Variants in SGCB observed in about 807,000 individuals in gnomAD.
SGCB encodes the protein beta-sarcoglycan.
Under a neutral mutation model 27.3 loss-of-function variants are expected in SGCB, and 25 were observed. The ratio of observed to expected loss-of-function variants is 0.92; its 90% CI spans 0.67 to 1.28. The LOEUF is 1.28. Among genes scored for constraint, SGCB ranks in the 50% most tolerant of loss-of-function variants. SGCB has a pLI of 0.00. For synonymous variants in SGCB, 147 were observed against 133.5 expected, an observed-to-expected ratio of 1.10 and a Z score of -0.70; for missense variants, 436 against 402.1, an observed-to-expected ratio of 1.08 and a Z score of -0.72.
chr4:52,028,973 A>G (rs1328469955), intron 3 of SGCB, 52 bp from the exon 4 acceptor site: 2 of 1,315,162 alleles, frequency 1.5e-6, no homozygotes, highest in Non-Finnish European at 2.2e-6. Context: ...GACTGCAAAC[A>G]AAATTCCTGA....
chr4:52,024,662 A>C (rs1042925300), intron 5 of SGCB, among the ~76,000 whole-genome samples: 1 of 151,926 alleles, frequency 6.6e-6, no homozygotes, highest in African/African-American at 2.4e-5. Context: ...CCTCGTCTCT[A>C]CTAAAAATAC....
chr4:52,032,355 C>T (rs1737270917), intron 2 of SGCB, among the ~76,000 whole-genome samples: 1 of 152,126 alleles, frequency 6.6e-6, no homozygotes, highest in African/African-American at 2.4e-5. Flanking sequence ...AGTTATCTGC[C>T]ATTGTTCCTC....
rs1414363052 is a variant in SGCB at position 52,038,243 on chromosome 4, G to C, written c.17C>G (p.Ala6Gly). 1.6e-6 allele frequency: 2 copies of C among 1,289,688 alleles called. No homozygotes were observed. Among genetic ancestry groups the C allele is most frequent in the Non-Finnish European group, 2.0e-6 (2 of 1,015,028 alleles). 79.9% of individuals were successfully genotyped at this position (1,289,688 alleles called of 1,614,324 possible). A position where few individuals can be genotyped will look rare whatever the true frequency, so the allele number is the denominator to read the frequency against. ...CTCACAGACCTGTTCTGCAGCCGCC[G>C]CCGCCGCTGCCGCCATCTTCCCGCG... MAAAA[A>G]AAAEQQSSNG... Residue 6 changes from alanine (A) to glycine (G), a missense_variant, in exon 1 of 6, where the codon GCG (alanine) becomes GGG (glycine). Coordinates refer to ENST00000381431, the MANE Select transcript of SGCB (RefSeq NM_000232.5).
Position 52,024,089 on chromosome 4 carries a change from G to A in SGCB, c.825C>T (p.Asp275=). The change falls in exon 6 of 6, where the codon GAC becomes GAT. Residue 275 remains aspartate, a synonymous_variant. Transcript: ENST00000381431. Reference sequence around the variant, plus strand: ...GTACCCAGTCACCACTACCCAACTGGTCTCCACTGGAGGAACTGGGTAGGC... The same window carrying A: ...GTACCCAGTCACCACTACCCAACTGATCTCCACTGGAGGAACTGGGTAGGC... ...TTRLPSSSSG[D]QLGSGDWVRY... is the part of the protein sequence containing the mutation. The A allele has an allele frequency of 6.2e-7, 1 of 1,613,942 alleles. No homozygotes were observed. Among genetic ancestry groups the A allele is most frequent in the Non-Finnish European group, 8.5e-7 (1 of 1,179,890 alleles).
Position 52,024,117 on chromosome 4 carries a change from G to A in SGCB, c.797C>T (p.Thr266Ile), listed in dbSNP as rs1253643464. ...ILNGSVMVST[T>I]RLPSSSSGDQ... ...TCCACTGGAGGAACTGGGTAGGCGG[G>A]TGGTGCTGACCATCACAGATCCATT... Residue 266 changes from threonine to isoleucine, a missense_variant, in exon 6 of 6, where the codon ACC becomes ATC. Physicochemically the swap from Thr to Ile is moderately conservative, Grantham distance 89. Coordinates refer to ENST00000381431, the MANE Select transcript of SGCB (RefSeq NM_000232.5). The A allele has an allele frequency of 1.2e-6, 2 of 1,614,022 alleles. No individual in the cohort carries two copies. Among genetic ancestry groups the A allele is most frequent in the Non-Finnish European group, 1.7e-6 (2 of 1,180,026 alleles).
At chr4:52,028,176 A>G in intron 4 of SGCB, 77 bp from the exon 5 acceptor site, 3 of 1,177,620 alleles carry the variant, frequency 2.5e-6, no homozygotes, top group Non-Finnish European at 3.8e-6. Flanking sequence ...AGAGAAATAG[A>G]AGCTTCAGTC....
chr4:52,026,248 T>G (rs1356483380), intron 5 of SGCB, among the ~76,000 whole-genome samples: 1 of 147,780 alleles, frequency 6.8e-6, no homozygotes. Flanking sequence ...TTTTTGTTGT[T>G]GGTTTTTTTT....
chr4:52,031,330 GTCTA>G (rs1275287756), intron 2 of SGCB, among the ~76,000 whole-genome samples: 2 of 147,510 alleles, frequency 1.4e-5, no homozygotes, highest in Non-Finnish European at 2.9e-5. Context: ...AATGTCTTCT[GTCTA>G]TCTACCTACC....
rs1321508008 is a variant in SGCB at position 52,021,375 on chromosome 4, C to G, written c.*2582G>C. 1 of 152,258 alleles carries G rather than the reference C, an allele frequency of 6.6e-6. No homozygotes were observed. Among genetic ancestry groups the G allele is most frequent in the Non-Finnish European group, 1.5e-5 (1 of 68,162 alleles). 9.4% of individuals were successfully genotyped at this position (152,258 alleles called of 1,614,324 possible). ...AAGATTTACTGTGGATAAAAATAAGCCGGCCAGGCGTGGTGGCTCACACCT... is the reference window on the plus strand; with the variant it reads ...AAGATTTACTGTGGATAAAAATAAGGCGGCCAGGCGTGGTGGCTCACACCT... On this transcript the variant is annotated 3_prime_UTR_variant, in exon 6 of 6. Transcript: ENST00000381431.
Position 52,022,054 on chromosome 4 carries a change from T to C in SGCB, c.*1903A>G, listed in dbSNP as rs1736964443. 6.6e-6 allele frequency: 1 copy of C among 152,244 alleles called. No homozygotes were observed. The highest frequency in any genetic ancestry group is 1.5e-5 in the Non-Finnish European group (1 of 68,034). The allele number at this position is 152,244 out of a possible 1,614,324, so 9.4% of individuals were successfully genotyped here. A position where few individuals can be genotyped will look rare whatever the true frequency, so the allele number is the denominator to read the frequency against. ...AGTAATGAATATGCAATTTAATTTA[T>C]GGACCATCTGAATAAAAATTTCGGC... is the stretch of plus-strand genomic sequence containing the variant. On this transcript the variant is annotated 3_prime_UTR_variant, in exon 6 of 6. Coordinates refer to ENST00000381431, the MANE Select transcript of SGCB (RefSeq NM_000232.5).
intron 3 of SGCB, among the ~76,000 whole-genome samples, 196 bp from the exon 4 acceptor site, chr4:52,029,117 T>C (rs1380772204): frequency 6.6e-6 from 1 of 152,264 alleles, no homozygotes; most frequent in African/African-American, 2.4e-5. Context: ...TGAAGGTTTA[T>C]ACATTTATTT....
chr4:52,033,334 T>G lies in SGCB; in HGVS notation c.243+97A>C, dbSNP rs564905240. 6.7e-5 allele frequency: 52 copies of G among 771,934 alleles called. No homozygotes were observed. In the African/African-American group the frequency reaches 7.6e-4, roughly 11 times the overall value. 47.8% of individuals were successfully genotyped at this position (771,934 alleles called of 1,614,324 possible). A position where few individuals can be genotyped will look rare whatever the true frequency, so the allele number is the denominator to read the frequency against. ...TTAAAATTCAGTAAGAGACAAGACA[T>G]GTATAGAAAAGGAGAAAATAAAGTC... On this transcript the variant is annotated intron_variant, in intron 2 of 5. Coordinates refer to ENST00000381431, the MANE Select transcript of SGCB (RefSeq NM_000232.5).
At chr4:52,031,392 CTGTGTG>C (rs55972642) in intron 2 of SGCB, among the ~76,000 whole-genome samples, 3 of 140,250 alleles carry the variant, frequency 2.1e-5, no homozygotes, top group Admixed American at 6.9e-5. Context: ...CCATTCATCT[CTGTGTG>C]TGTGTGTATG....
At chr4:52,034,759 G>A (rs1425649239) in intron 1 of SGCB, among the ~76,000 whole-genome samples, 1 of 152,124 alleles carries the variant, frequency 6.6e-6, no homozygotes, top group African/African-American at 2.4e-5. Flanking sequence ...AATGCAGGGT[G>A]GGGAGTCCTG....
intron 5 of SGCB, 95 bp downstream of exon 5, chr4:52,027,873 A>G (rs1388564886): frequency 8.3e-7 from 1 of 1,206,056 alleles, no homozygotes; most frequent in Non-Finnish European, 1.2e-6. Flanking sequence ...AAAATAGACA[A>G]TTATATCATT....
intron 2 of SGCB, among the ~76,000 whole-genome samples, chr4:52,032,690 A>C (rs963750168): frequency 2.6e-5 from 4 of 152,204 alleles, no homozygotes; most frequent in Non-Finnish European, 5.9e-5. Context: ...ATGCATTAGA[A>C]GTAGAAAATA....
chr4:52,029,561 T>C (rs1737195553), intron 3 of SGCB, 117 bp downstream of exon 3: 2 of 657,064 alleles, frequency 3.0e-6, no homozygotes, highest in Non-Finnish European at 5.5e-6. Context: ...ATTATAAATA[T>C]ACTAATTTTT....
chr4:52,038,189 C>T (rs865846933), intron 1 of SGCB, 38 bp downstream of exon 1: 3 of 1,216,184 alleles, frequency 2.5e-6, no homozygotes, highest in Non-Finnish European at 2.0e-6. Flanking sequence ...CGGCCTCCCC[C>T]GCTCCTCCAG....
chr4:52,033,297 ATAAAG>A (rs1156430508), intron 2 of SGCB, 129 bp downstream of exon 2: 17 of 666,720 alleles, frequency 2.5e-5, no homozygotes, highest in Non-Finnish European at 4.2e-5. Context: ...AGTTTTTTTA[ATAAAG>A]TATTCATTAA....
Sources: gnomAD v4.1 joint callset for allele counts (sites outside exome capture counted in the v4.1 genomes callset) on GRCh38, gnomAD v4.1.1 for gene constraint, MANE v1.5 for transcripts, NCBI Gene and HGNC (gene_info 2026-07-23, HGNC 2026-07-21) for gene names.